RNF180: variants seen among roughly 807,000 people sequenced by gnomAD.
RNF180 encodes ring finger protein 180.
A neutral mutation model predicts 59.2 loss-of-function variants in RNF180; 38 were observed. The ratio of observed to expected loss-of-function variants is 0.64; its 90% CI spans 0.50 to 0.84. The LOEUF is 0.84. Among genes scored for constraint, RNF180 ranks in the 40% least tolerant of loss-of-function variants. The pLI, the probability that RNF180 is intolerant of heterozygous loss-of-function variation, is 0.00. For synonymous variants in RNF180, 262 were observed against 240.3 expected (o/e 1.09, Z -0.84); for missense variants, 705 against 700.9 (o/e 1.01, Z -0.07).
At chr5:64,328,584 T>C (rs1464740568) in intron 6 of RNF180, among the ~76,000 whole-genome samples, 7 of 152,224 alleles carry the variant, frequency 4.6e-5, no homozygotes, top group Admixed American at 2.0e-4. Context: ...TTCTCTAACT[T>C]GTATGCTGGT....
chr5:64,313,796 G>A (rs1448768822), intron 5 of RNF180, among the ~76,000 whole-genome samples: 1 of 151,988 alleles, frequency 6.6e-6, no homozygotes, highest in Non-Finnish European at 1.5e-5. Flanking sequence ...TCCCTTTTCT[G>A]TGCTACCTCA....
chr5:64,321,913 G>C (rs1012246288), intron 5 of RNF180, among the ~76,000 whole-genome samples: 1 of 152,182 alleles, frequency 6.6e-6, no homozygotes, highest in Non-Finnish European at 1.5e-5. Flanking sequence ...ATGGGGAAAG[G>C]ATTCCCTGTT....
chr5:64,191,976 A>C (rs1751183558), intron 1 of RNF180, among the ~76,000 whole-genome samples: 1 of 152,078 alleles, frequency 6.6e-6, no homozygotes, highest in Non-Finnish European at 1.5e-5. Flanking sequence ...CATATGGTGT[A>C]AGATAGGGGT....
intron 6 of RNF180, among the ~76,000 whole-genome samples, chr5:64,329,682 T>C (rs776306492): frequency 6.6e-6 from 1 of 152,158 alleles, no homozygotes; most frequent in Non-Finnish European, 1.5e-5. Context: ...GGTCTTGAAC[T>C]CCTGACCTCA....
intron 5 of RNF180, among the ~76,000 whole-genome samples, chr5:64,284,682 C>T (rs1742189613): frequency 6.6e-6 from 1 of 152,096 alleles, no homozygotes; most frequent in South Asian, 2.1e-4. Flanking sequence ...CCTATCAGAT[C>T]AGTTTGGTTC....
At chr5:64,320,003 T>A (rs890937918) in intron 5 of RNF180, among the ~76,000 whole-genome samples, 2 of 152,196 alleles carry the variant, frequency 1.3e-5, no homozygotes, top group African/African-American at 2.4e-5. Flanking sequence ...GTTTTCAAAG[T>A]GTGAACCAAC....
chr5:64,209,289 AG>A (rs1161590649), intron 2 of RNF180, among the ~76,000 whole-genome samples: 1 of 152,046 alleles, frequency 6.6e-6, no homozygotes, highest in Non-Finnish European at 1.5e-5. Flanking sequence ...TTCTCATAGG[AG>A]TATTCATAAA....
At chr5:64,206,481 T>C (rs140942171) in intron 2 of RNF180, among the ~76,000 whole-genome samples, 117 of 152,322 alleles carry the variant, frequency 7.7e-4, no homozygotes, top group African/African-American at 2.8e-3. Context: ...TCTCTCTGGC[T>C]TTATTATTCT....
chr5:64,278,683 T>C (rs1170261878), intron 5 of RNF180, among the ~76,000 whole-genome samples: 1 of 152,192 alleles, frequency 6.6e-6, no homozygotes, highest in Non-Finnish European at 1.5e-5. Context: ...AATTAAGATT[T>C]TGGGTGAGGT....
At chr5:64,243,780 C>T (rs540079991) in intron 5 of RNF180, among the ~76,000 whole-genome samples, 12 of 152,266 alleles carry the variant, frequency 7.9e-5, no homozygotes, top group Admixed American at 3.3e-4. Context: ...CCCTGACCCC[C>T]GAGTCTCCTG....
At chr5:64,205,821 G>A (rs956445853) in intron 2 of RNF180, among the ~76,000 whole-genome samples, 4 of 151,676 alleles carry the variant, frequency 2.6e-5, no homozygotes, top group African/African-American at 7.3e-5. Context: ...AAATAGAACC[G>A]AAAATAGGAG....
chr5:64,189,443 G>T (rs950837781), intron 1 of RNF180, among the ~76,000 whole-genome samples: 2 of 152,084 alleles, frequency 1.3e-5, no homozygotes, highest in African/African-American at 4.8e-5. Flanking sequence ...TGGGAAATTG[G>T]AAGAAGGTAG....
chr5:64,355,628 T>C (rs1032045042), intron 7 of RNF180, among the ~76,000 whole-genome samples: 6 of 151,858 alleles, frequency 4.0e-5, no homozygotes, highest in Non-Finnish European at 8.8e-5. Flanking sequence ...AGAAGTACAG[T>C]GTTCATAATA....
chr5:64,184,091 A>G (rs1750753060), intron 1 of RNF180, among the ~76,000 whole-genome samples: 1 of 152,218 alleles, frequency 6.6e-6, no homozygotes, highest in African/African-American at 2.4e-5. Context: ...ATGTGTGCCT[A>G]CAGAGGAAAG....
intron 5 of RNF180, among the ~76,000 whole-genome samples, chr5:64,254,488 T>C (rs1241360419): frequency 1.3e-5 from 2 of 152,190 alleles, no homozygotes; most frequent in Non-Finnish European, 2.9e-5. Flanking sequence ...TTTTGCAACA[T>C]GCTTTTTATA....
intron 2 of RNF180, among the ~76,000 whole-genome samples, chr5:64,207,190 A>G (rs1428460976): frequency 2.6e-5 from 4 of 152,028 alleles, no homozygotes; most frequent in Non-Finnish European, 5.9e-5. Flanking sequence ...CAGTTATGTA[A>G]ATATTAAATA....
chr5:64,246,198 A>G (rs1182898988), intron 5 of RNF180, among the ~76,000 whole-genome samples: 1 of 152,158 alleles, frequency 6.6e-6, no homozygotes, highest in African/African-American at 2.4e-5. Flanking sequence ...TAACATCACA[A>G]TTAAAAGTAC....
intron 1 of RNF180, among the ~76,000 whole-genome samples, chr5:64,188,004 T>C (rs1750954061): frequency 6.6e-6 from 1 of 152,210 alleles, no homozygotes; most frequent in South Asian, 2.1e-4. Context: ...TGCTTGGATT[T>C]GGACTCCTTT....
intron 5 of RNF180, among the ~76,000 whole-genome samples, chr5:64,270,591 A>G (rs1741341814): frequency 2.0e-5 from 3 of 152,268 alleles, no homozygotes; most frequent in African/African-American, 2.4e-5. Flanking sequence ...CATTGTGCTG[A>G]TAAGTACATT....
Sources: allele counts gnomAD v4.1 joint callset (sites outside exome capture counted in the v4.1 genomes callset), GRCh38; gene constraint gnomAD v4.1.1; transcripts MANE v1.5; gene names NCBI Gene and HGNC (gene_info 2026-07-23, HGNC 2026-07-21).